Variants in PCDH9 observed in about 807,000 individuals in gnomAD.
PCDH9 encodes the protein protocadherin-9.
PCDH9 carries 24 observed loss-of-function variants against 70.6 expected under a neutral mutation model. That is an observed-to-expected ratio of 0.34 (90% CI 0.25 to 0.48). The LOEUF (loss-of-function observed/expected upper bound fraction) is 0.48, where lower values mean the gene tolerates loss of function less well. PCDH9 is among the 20% of genes least tolerant of loss of function. The pLI is 0.99. For missense variants in PCDH9, 1,281 were observed against 1,503.6 expected (o/e 0.85, Z 2.45); for synonymous variants, 562 against 558.5 (o/e 1.01, Z -0.09).
At chr13:67,114,598 C>G (rs1294159656) in intron 2 of PCDH9, among the ~76,000 whole-genome samples, 1 of 152,048 alleles carries the variant, frequency 6.6e-6, no homozygotes, top group African/African-American at 2.4e-5. Flanking sequence ...ATATTGCATA[C>G]TCTATAAGGC....
intron 4 of PCDH9, among the ~76,000 whole-genome samples, chr13:66,403,078 C>T (rs897165797): frequency 6.9e-6 from 1 of 144,342 alleles, no homozygotes; most frequent in Non-Finnish European, 1.5e-5. Flanking sequence ...TTATTGGTAA[C>T]TCTTAAAAGG....
At position 66,712,051 on chromosome 13, in the gene PCDH9, G is replaced by T. The variant is rs138452247; in HGVS notation, c.3139-80640C>A. Among the ~76,000 whole-genome samples the T allele has an allele frequency of 3.7e-3, 559 of 152,242 alleles. 2 individuals are homozygous for T. Among genetic ancestry groups the T allele is most frequent in the African/African-American group, 0.013 (546 of 41,554 alleles). Reference sequence around the variant, plus strand: ...GTTATAGAGTAACAGCACTGCTAAAGCTCTTACTTGTGAATCTGAATTTTT... The same window carrying T: ...GTTATAGAGTAACAGCACTGCTAAATCTCTTACTTGTGAATCTGAATTTTT... On this transcript the variant is annotated intron_variant, in intron 3 of 4. Transcript: ENST00000377865.
chr13:67,059,365 AGT>A (rs560849251), intron 2 of PCDH9, among the ~76,000 whole-genome samples: 21 of 121,970 alleles, frequency 1.7e-4, no homozygotes, highest in African/African-American at 5.3e-4. Flanking sequence ...ATATATATAT[AGT>A]GTGTATATAT....
At chr13:66,475,811 G>A (rs914033499) in intron 4 of PCDH9, among the ~76,000 whole-genome samples, 1 of 152,056 alleles carries the variant, frequency 6.6e-6, no homozygotes, top group Non-Finnish European at 1.5e-5. Flanking sequence ...ACAATTGTTT[G>A]ATGTGAATAT....
chr13:66,696,273 C>G (rs1230210082), intron 3 of PCDH9, among the ~76,000 whole-genome samples: 2 of 152,086 alleles, frequency 1.3e-5, no homozygotes, highest in Non-Finnish European at 2.9e-5. Context: ...TTGAAGATCA[C>G]TGAAACTTCA....
chr13:67,006,185 C>CCT, intron 2 of PCDH9, among the ~76,000 whole-genome samples: 1 of 152,258 alleles, frequency 6.6e-6, no homozygotes, highest in East Asian at 1.9e-4. Context: ...GGAGATCGTG[C>CCT]CACTGCACTC....
chr13:67,032,134 G>A (rs1489465638), intron 2 of PCDH9, among the ~76,000 whole-genome samples: 1 of 151,998 alleles, frequency 6.6e-6, no homozygotes, highest in East Asian at 1.9e-4. Context: ...GGCTTTTAAA[G>A]TTTAAATACC....
chr13:66,986,191 T>A (rs1046804590), intron 2 of PCDH9, among the ~76,000 whole-genome samples: 1 of 151,952 alleles, frequency 6.6e-6, no homozygotes. Context: ...AAAAGACCCT[T>A]ATAAAACCAT....
chr13:66,703,513 C>T (rs1198606213), intron 3 of PCDH9, among the ~76,000 whole-genome samples: 1 of 152,200 alleles, frequency 6.6e-6, no homozygotes, highest in Non-Finnish European at 1.5e-5. Flanking sequence ...TGCTTACCTC[C>T]AGATCCAGAG....
At chr13:67,027,573 C>T (rs1196116846) in intron 2 of PCDH9, among the ~76,000 whole-genome samples, 1 of 150,680 alleles carries the variant, frequency 6.6e-6, no homozygotes, top group African/African-American at 2.4e-5. Context: ...CAAATGGGAT[C>T]TAATTAAACT....
At chr13:66,543,372 C>T (rs1961048618) in intron 4 of PCDH9, among the ~76,000 whole-genome samples, 1 of 152,024 alleles carries the variant, frequency 6.6e-6, no homozygotes, top group Admixed American at 6.6e-5. Flanking sequence ...AGATCAAGAC[C>T]ATCCTGGCTA....
intron 4 of PCDH9, among the ~76,000 whole-genome samples, chr13:66,446,007 C>G (rs892195820): frequency 1.3e-5 from 2 of 151,604 alleles, no homozygotes; most frequent in African/African-American, 2.4e-5. Flanking sequence ...TTCCTGCAAA[C>G]TTGTCTTTCA....
intron 3 of PCDH9, among the ~76,000 whole-genome samples, chr13:66,809,180 C>A (rs2080459248): frequency 6.6e-6 from 1 of 152,100 alleles, no homozygotes; most frequent in Non-Finnish European, 1.5e-5. Flanking sequence ...GATCTCCTGA[C>A]CTCGTGATCC....
intron 2 of PCDH9, among the ~76,000 whole-genome samples, chr13:66,981,714 C>G (rs1212649428): frequency 6.6e-6 from 1 of 152,014 alleles, no homozygotes; most frequent in East Asian, 1.9e-4. Flanking sequence ...TGTTTATACA[C>G]TTTCCTGATT....
intron 4 of PCDH9, among the ~76,000 whole-genome samples, chr13:66,573,231 T>A (rs1034624062): frequency 3.9e-5 from 6 of 151,930 alleles, no homozygotes; most frequent in Non-Finnish European, 8.8e-5. Context: ...TGTATGTCTC[T>A]TTTTGAGAAA....
At chr13:66,800,175 A>G (rs1011919572) in intron 3 of PCDH9, among the ~76,000 whole-genome samples, 14 of 152,100 alleles carry the variant, frequency 9.2e-5, no homozygotes, top group Middle Eastern at 3.2e-3. Context: ...CCCTCTAACC[A>G]CATAACTCTC....
intron 2 of PCDH9, among the ~76,000 whole-genome samples, chr13:67,049,939 T>C (rs971827220): frequency 2.6e-5 from 4 of 152,204 alleles, no homozygotes; most frequent in African/African-American, 9.7e-5. Context: ...TCTTGCCTTC[T>C]GAGAACAATG....
At chr13:67,183,604 AC>A (rs1186495855) in intron 2 of PCDH9, among the ~76,000 whole-genome samples, 2 of 152,158 alleles carry the variant, frequency 1.3e-5, no homozygotes, top group African/African-American at 4.8e-5. Flanking sequence ...AAAAATCAAA[AC>A]CAAAAAACCA....
chr13:66,355,430 G>A (rs1956366039), intron 4 of PCDH9, among the ~76,000 whole-genome samples: 1 of 151,916 alleles, frequency 6.6e-6, no homozygotes, highest in African/African-American at 2.4e-5. Flanking sequence ...TTCATTGTCT[G>A]TTTAGTGTCA....
Sources: allele counts gnomAD v4.1 joint callset (sites outside exome capture counted in the v4.1 genomes callset), GRCh38; gene constraint gnomAD v4.1.1; transcripts MANE v1.5; gene names NCBI Gene and HGNC (gene_info 2026-07-23, HGNC 2026-07-21).